MAPK8: variants seen among roughly 807,000 people sequenced by gnomAD.
The protein encoded by MAPK8 is mitogen-activated protein kinase 8, also known as JUN N-terminal kinase.
Under a neutral mutation model 52.9 loss-of-function variants are expected in MAPK8, and 13 were observed. That is an observed-to-expected ratio of 0.25 (90% CI 0.16 to 0.39). The LOEUF is 0.39. Ranked by LOEUF, MAPK8 falls within the 10% of genes least tolerant of loss-of-function variation. The probability of loss-of-function intolerance (pLI) is 1.00; values close to 1 mark genes in which losing one functional copy is unlikely to be tolerated. For missense variants in MAPK8, 300 were observed against 519.2 expected, an observed-to-expected ratio of 0.58 and a Z score of 4.10; for synonymous variants, 191 against 169.8, an observed-to-expected ratio of 1.12 and a Z score of -0.97.
intron 2 of MAPK8, among the ~76,000 whole-genome samples, chr10:48,404,241 C>G (rs1317717947): frequency 6.6e-6 from 1 of 151,294 alleles, no homozygotes; most frequent in South Asian, 2.1e-4. Context: ...ACTGCAACTT[C>G]CGCCTCCCAG....
intron 5 of MAPK8, among the ~76,000 whole-genome samples, chr10:48,418,672 G>A (rs2043190651): frequency 2.6e-5 from 4 of 152,154 alleles, no homozygotes; most frequent in Non-Finnish European, 5.9e-5. Context: ...TCCACTGCCT[G>A]CATAAATTCT....
chr10:48,370,115 C>T (rs930908936), intron 1 of MAPK8, among the ~76,000 whole-genome samples: 9 of 152,114 alleles, frequency 5.9e-5, no homozygotes, highest in African/African-American at 2.2e-4. Context: ...GGAGATTCTT[C>T]AGGGCACTAT....
intron 5 of MAPK8, among the ~76,000 whole-genome samples, chr10:48,412,594 A>C (rs1202548194): frequency 2.0e-5 from 3 of 152,116 alleles, no homozygotes; most frequent in African/African-American, 4.8e-5. Context: ...GTTTTGTCCC[A>C]GGCAGCATTG....
At chr10:48,427,183 G>A (rs2043736777) in intron 10 of MAPK8, 40 bp downstream of exon 10, 1 of 1,501,570 alleles carries the variant, frequency 6.7e-7, no homozygotes, top group Non-Finnish European at 9.2e-7. Context: ...CTGTGAAGGA[G>A]CTTCTGGTTT....
At chr10:48,401,951 G>A (rs187684142) in intron 2 of MAPK8, among the ~76,000 whole-genome samples, 169 bp downstream of exon 2, 12 of 152,202 alleles carry the variant, frequency 7.9e-5, no homozygotes, top group African/African-American at 2.6e-4. Flanking sequence ...AGGATCAATG[G>A]TCTTTTCTTT....
At chr10:48,331,790 C>T (rs997759782) in intron 1 of MAPK8, among the ~76,000 whole-genome samples, 2 of 152,158 alleles carry the variant, frequency 1.3e-5, no homozygotes, top group Non-Finnish European at 2.9e-5. Context: ...GGATCTGTAG[C>T]TCTGCCCAAA....
At chr10:48,361,280 TG>T (rs1847499966) in intron 1 of MAPK8, among the ~76,000 whole-genome samples, 1 of 152,194 alleles carries the variant, frequency 6.6e-6, no homozygotes, top group African/African-American at 2.4e-5. Context: ...TTTATCTTTT[TG>T]CTTTTCCAGT....
intron 1 of MAPK8, among the ~76,000 whole-genome samples, chr10:48,347,399 A>T (rs146929275): frequency 3.8e-4 from 58 of 152,312 alleles, no homozygotes; most frequent in African/African-American, 1.3e-3. Context: ...ATTATTTGAC[A>T]AGAATTTTTT....
In MAPK8 at chr10:48,434,949, A is replaced by G. The variant is rs774869055; in HGVS notation, c.1204A>G (p.Met402Val). The G allele has an allele frequency of 1.0e-5, 16 of 1,579,734 alleles. No individual in the cohort carries two copies. Among genetic ancestry groups the G allele is most frequent in the East Asian group, 2.4e-5 (1 of 42,238 alleles). The change falls in exon 12 of 12, where the codon ATG becomes GTG. Residue 402 changes from methionine (M) to valine (V), a missense_variant. Met to Val is a conservative substitution (Grantham distance 21). This residue lies in a region of MAPK8 where 119 missense variants were observed against 154.4 expected (regional missense o/e 0.77). Coordinates refer to ENST00000374189, the MANE Select transcript of MAPK8 (RefSeq NM_001323329.2). ...SSSSVNDVSS[M>V]STDPTLASDT... is the part of the protein sequence containing the mutation. ...GTCGTCTGTCAATGATGTGTCTTCA[A>G]TGTCAACAGATCCGACTTTGGCCTC...
chr10:48,376,296 C>G (rs558596892), intron 1 of MAPK8, among the ~76,000 whole-genome samples: 3 of 152,300 alleles, frequency 2.0e-5, no homozygotes, highest in Non-Finnish European at 4.4e-5. Flanking sequence ...TAGAGGAAAA[C>G]CTAGGCAGTA....
intron 1 of MAPK8, among the ~76,000 whole-genome samples, chr10:48,354,745 T>C (rs1017585597): frequency 2.0e-5 from 3 of 152,048 alleles, no homozygotes; most frequent in Non-Finnish European, 2.9e-5. Context: ...AGCAACCAGC[T>C]GACCCTTGTA....
chr10:48,424,158 CTG>C lies in MAPK8; in HGVS notation c.688+1_688+2del. 6.2e-7 allele frequency: 1 copy of C among 1,612,312 alleles called. No individual in the cohort carries two copies. The highest frequency in any genetic ancestry group is 8.5e-7 in the Non-Finnish European group (1 of 1,178,722). ...ACAAAATCCTCTTTCCAGGAAGGGA[CTG>C]TATCCTTGTGCTGCTGCAGCAGTTA... On this transcript the variant is annotated splice_donor_variant and coding_sequence_variant, in exon 7 of 12. Coordinates refer to ENST00000374189, the MANE Select transcript of MAPK8 (RefSeq NM_001323329.2). LOFTEE classifies it high-confidence loss of function.
At chr10:48,352,583 A>G (rs1846442019) in intron 1 of MAPK8, among the ~76,000 whole-genome samples, 1 of 152,192 alleles carries the variant, frequency 6.6e-6, no homozygotes, top group Admixed American at 6.5e-5. Context: ...TTTATGATTA[A>G]AACTCTTAGA....
chr10:48,371,121 T>C (rs1589101986), intron 1 of MAPK8, among the ~76,000 whole-genome samples: 1 of 152,254 alleles, frequency 6.6e-6, no homozygotes, highest in East Asian at 1.9e-4. Flanking sequence ...TCTGAGAGTA[T>C]GTATATTGCC....
At chr10:48,355,409 T>C (rs898683908) in intron 1 of MAPK8, among the ~76,000 whole-genome samples, 1 of 148,470 alleles carries the variant, frequency 6.7e-6, no homozygotes, top group African/African-American at 2.5e-5. Flanking sequence ...CTCGGGAGGC[T>C]GAGGCAGGAG....
chr10:48,339,516 T>A (rs1466957623), intron 1 of MAPK8, among the ~76,000 whole-genome samples: 2 of 151,804 alleles, frequency 1.3e-5, no homozygotes, highest in East Asian at 3.9e-4. Flanking sequence ...TTTTGAACAT[T>A]TAAAGAATTT....
chr10:48,413,949 G>A (rs1485365361), intron 5 of MAPK8, among the ~76,000 whole-genome samples: 10 of 148,122 alleles, frequency 6.8e-5, no homozygotes, highest in African/African-American at 1.2e-4. Flanking sequence ...TTCATTTAAC[G>A]TGTACCACTC....
At chr10:48,375,977 G>A (rs754950875) in intron 1 of MAPK8, among the ~76,000 whole-genome samples, 1 of 152,152 alleles carries the variant, frequency 6.6e-6, no homozygotes, top group Non-Finnish European at 1.5e-5. Flanking sequence ...CATGCTACCT[G>A]ACTTCAAACT....
chr10:48,344,090 G>A lies in MAPK8; in HGVS notation c.-50+37269G>A, dbSNP rs551156467. Among the ~76,000 whole-genome samples the A allele has an allele frequency of 1.1e-4, 17 of 152,280 alleles. 1 individual carries two copies. Among genetic ancestry groups the A allele is most frequent in the African/African-American group, 3.9e-4 (16 of 41,548 alleles). Reference sequence around the variant, plus strand: ...TTTAGCCAGGATTTACTTAAGGAATGCAAATGAAATAGTTGGTAAAATAGA... The same window carrying A: ...TTTAGCCAGGATTTACTTAAGGAATACAAATGAAATAGTTGGTAAAATAGA... On this transcript the variant is annotated intron_variant, in intron 1 of 11. Coordinates refer to ENST00000374189, the MANE Select transcript of MAPK8 (RefSeq NM_001323329.2).
Sources: allele counts gnomAD v4.1 joint callset (sites outside exome capture counted in the v4.1 genomes callset), GRCh38; gene constraint gnomAD v4.1.1; regional missense constraint gnomAD v4.1.1; transcripts MANE v1.5; gene names NCBI Gene and HGNC (gene_info 2026-07-23, HGNC 2026-07-21).